DYNC1H1: variants seen among roughly 807,000 people sequenced by gnomAD.
DYNC1H1 encodes cytoplasmic dynein 1 heavy chain 1.
Under a neutral mutation model 527.1 loss-of-function variants are expected in DYNC1H1, and 51 were observed. That is an observed-to-expected ratio of 0.10 (90% CI 0.08 to 0.12). The LOEUF is 0.12. DYNC1H1 is among the 10% of genes least tolerant of loss of function. The probability of loss-of-function intolerance (pLI) is 1.00; values close to 1 mark genes in which losing one functional copy is unlikely to be tolerated. For missense variants in DYNC1H1, 2,771 were observed against 5,971.8 expected, an observed-to-expected ratio of 0.46 and a Z score of 17.66; for synonymous variants, 2,189 against 2,278.8, an observed-to-expected ratio of 0.96 and a Z score of 1.12.
chr14:102,039,397 A>C lies in DYNC1H1; in HGVS notation c.11461-15A>C. On this transcript the variant is annotated splice_polypyrimidine_tract_variant and intron_variant, in intron 60 of 77. Coordinates refer to ENST00000360184, the MANE Select transcript of DYNC1H1 (RefSeq NM_001376.5). The surrounding 1 kb of genome is among the most constrained non-coding windows in gnomAD (Gnocchi z 7.0). ...CGAGGGAGCTGCCTCACCGCTGCCC[A>C]CTGCTTCCTTTCAGATACACTTCTT... 1 of 1,614,198 alleles carries C rather than the reference A, an allele frequency of 6.2e-7. No individual in the cohort carries two copies. The highest frequency in any genetic ancestry group is 8.5e-7 in the Non-Finnish European group (1 of 1,180,028).
chr14:101,995,085 C>G lies in DYNC1H1; in HGVS notation c.3433C>G (p.Gln1145Glu). The change falls in exon 14 of 78, where the codon CAG (glutamine) becomes GAG (glutamate). Residue 1145 changes from glutamine (Q) to glutamate (E), a missense_variant. By Grantham distance (29) the Gln-to-Glu change is conservative. Coordinates refer to ENST00000360184, the MANE Select transcript of DYNC1H1 (RefSeq NM_001376.5). ...LGSNMTEFHSQISKSRQELEQ... is the reference protein window; with the variant it reads ...LGSNMTEFHSEISKSRQELEQ... ...ATCAAACATGACGGAATTCCATTCCCAGATCTCAAAGGTGAGGACATAGGA... is the reference window on the plus strand; with the variant it reads ...ATCAAACATGACGGAATTCCATTCCGAGATCTCAAAGGTGAGGACATAGGA... 1 of 1,614,174 alleles carries G rather than the reference C, an allele frequency of 6.2e-7. No individual in the cohort carries two copies. The highest frequency in any genetic ancestry group is 8.5e-7 in the Non-Finnish European group (1 of 1,180,032).
At position 101,970,331 on chromosome 14, in the gene DYNC1H1, G is replaced by T. The variant is rs1009508333; in HGVS notation, c.257-5381G>T. 8.6e-5 allele frequency among the ~76,000 whole-genome samples: 13 copies of T among 151,994 alleles called. No homozygotes were observed. The South Asian group carries it at 2.1e-3, about 24-fold the overall frequency. ...GTCATGGCCCCTCAGGAGGATGAAA[G>T]GGTGGACATGCAGGTGACAAGAGAA... is the stretch of plus-strand genomic sequence containing the variant. On this transcript the variant is annotated intron_variant, in intron 1 of 77. Transcript: ENST00000360184.
Position 102,012,491 on chromosome 14 carries a change from C to T in DYNC1H1, c.7014+21C>T, listed in dbSNP as rs112867216. Reference sequence around the variant, plus strand: ...CCAATGTAAGTAGCCTTTTGTATGTCGTCAACTGAATAATTCCTTTTGGCC... The same window carrying T: ...CCAATGTAAGTAGCCTTTTGTATGTTGTCAACTGAATAATTCCTTTTGGCC... On this transcript the variant is annotated intron_variant, in intron 34 of 77. Coordinates refer to ENST00000360184, the MANE Select transcript of DYNC1H1 (RefSeq NM_001376.5). The surrounding 1 kb of genome is among the most constrained non-coding windows in gnomAD (Gnocchi z 4.9). The T allele has an allele frequency of 2.3e-5, 37 of 1,614,100 alleles. No individual in the cohort carries two copies. Among genetic ancestry groups the T allele is most frequent in the African/African-American group, 1.5e-4 (11 of 75,032 alleles).
At position 101,979,578 on chromosome 14, in the gene DYNC1H1, G is replaced by GTAAC; in HGVS notation, c.518+87_518+90dup. 6.2e-7 allele frequency: 1 copy of GTAAC among 1,607,218 alleles called. No individual in the cohort carries two copies. The highest frequency in any genetic ancestry group is 2.2e-5 in the East Asian group (1 of 44,848). On this transcript the variant is annotated intron_variant, in intron 3 of 77. Coordinates refer to ENST00000360184, the MANE Select transcript of DYNC1H1 (RefSeq NM_001376.5). The surrounding 1 kb of genome is among the most constrained non-coding windows in gnomAD (Gnocchi z 4.6). ...GGTGTAAAACTTGGGAATTGGGAGG[G>GTAAC]TAACGCTAGTGAGCCGAGGGGATAT... is the stretch of plus-strand genomic sequence containing the variant.
At position 102,018,671 on chromosome 14, in the gene DYNC1H1, A is replaced by G; in HGVS notation, c.8343+55A>G. ...ATTGTTTTCCTCTCATAATTAAGGC[A>G]CTCGATTGGTCAGGTGTGGTGGTTC... is the stretch of plus-strand genomic sequence containing the variant. On this transcript the variant is annotated intron_variant, in intron 41 of 77. Transcript: ENST00000360184. The surrounding 1 kb of genome is among the most constrained non-coding windows in gnomAD (Gnocchi z 5.2). 1.9e-6 allele frequency: 3 copies of G among 1,597,052 alleles called. No individual in the cohort carries two copies. Among genetic ancestry groups the G allele is most frequent in the South Asian group, 1.1e-5 (1 of 89,626 alleles).
chr14:101,966,648 G>A (rs2047671573), intron 1 of DYNC1H1, among the ~76,000 whole-genome samples: 1 of 151,770 alleles, frequency 6.6e-6, no homozygotes, highest in Non-Finnish European at 1.5e-5. Flanking sequence ...CTTGACCATT[G>A]CTAATCCTTG....
chr14:102,014,235 CT>C (rs1359042409), intron 34 of DYNC1H1, among the ~76,000 whole-genome samples: 13 of 152,252 alleles, frequency 8.5e-5, no homozygotes, highest in African/African-American at 2.9e-4. Context: ...CCTGCGCCAT[CT>C]TTAAACTGGA....
At position 102,045,370 on chromosome 14, in the gene DYNC1H1, G is replaced by C. The variant is rs561256088; in HGVS notation, c.13006+672G>C. On this transcript the variant is annotated intron_variant, in intron 72 of 77. Transcript: ENST00000360184. ...ATCCCACTATAATCCCAGCACTTTG[G>C]GAGGCTGAGGTGGATGGATCACCTG... 4.0e-5 allele frequency: 6 copies of C among 150,330 alleles called. 1 individual carries two copies. The highest frequency in any genetic ancestry group is 1.5e-4 in the African/African-American group (6 of 41,162). 9.3% of individuals were successfully genotyped at this position (150,330 alleles called of 1,614,324 possible).
Position 102,011,642 on chromosome 14 carries a change from C to T in DYNC1H1, c.6619-233C>T. ...AGATAGGCGCTTGTAAAGCCAGCTA[C>T]TTGGGAGAGTGAGGAAGGAGAATCA... is the stretch of plus-strand genomic sequence containing the variant. On this transcript the variant is annotated intron_variant, in intron 32 of 77. Coordinates refer to ENST00000360184, the MANE Select transcript of DYNC1H1 (RefSeq NM_001376.5). The surrounding 1 kb of genome is among the most constrained non-coding windows in gnomAD (Gnocchi z 5.3). The T allele has an allele frequency of 1.8e-6, 1 of 550,796 alleles. No individual in the cohort carries two copies. Among genetic ancestry groups the T allele is most frequent in the East Asian group, 3.2e-5 (1 of 31,160 alleles). 34.1% of individuals were successfully genotyped at this position (550,796 alleles called of 1,614,324 possible). A position where few individuals can be genotyped will look rare whatever the true frequency, so the allele number is the denominator to read the frequency against.
rs932736958 is a variant in DYNC1H1, at chr14:102,042,349, T to A, written c.12276-35T>A. On this transcript the variant is annotated intron_variant, in intron 67 of 77. Transcript: ENST00000360184. This position sits in a 1 kb window ranked among gnomAD's most constrained non-coding sequence, Gnocchi z 5.7. ...TCCCCAGGCATTCAGGCAGGCAGCC[T>A]GGCATGCTGTGTGACTCTCACTTTG... is the stretch of plus-strand genomic sequence containing the variant. The A allele has an allele frequency of 3.3e-5, 53 of 1,614,090 alleles. No individual in the cohort carries two copies. Among genetic ancestry groups the A allele is most frequent in the Non-Finnish European group, 4.2e-5 (50 of 1,180,046 alleles).
Position 102,000,405 on chromosome 14 carries a change from T to C in DYNC1H1, c.4074+6T>C. On this transcript the variant is annotated splice_donor_region_variant and intron_variant, in intron 18 of 77. Transcript: ENST00000360184. Reference sequence around the variant, plus strand: ...TTTCAGTACAGCCTCGAAAGGTATATCATGAAATCGGTGTTTGTGTACGTC... The same window carrying C: ...TTTCAGTACAGCCTCGAAAGGTATACCATGAAATCGGTGTTTGTGTACGTC... The C allele has an allele frequency of 6.2e-7, 1 of 1,613,614 alleles. No homozygotes were observed. The highest frequency in any genetic ancestry group is 8.5e-7 in the Non-Finnish European group (1 of 1,179,590).
rs1356964975 is a variant in DYNC1H1, at chr14:102,001,258, A to G, written c.4299A>G (p.Gln1433=). 6.2e-7 allele frequency: 1 copy of G among 1,614,208 alleles called. No individual in the cohort carries two copies. Among genetic ancestry groups the G allele is most frequent in the Admixed American group, 1.7e-5 (1 of 60,032 alleles). The change falls in exon 20 of 78, where the codon CAA becomes CAG. Residue 1433 remains glutamine, a synonymous_variant. Transcript: ENST00000360184. This position sits in a 1 kb window ranked among gnomAD's most constrained non-coding sequence, Gnocchi z 5.0. ...TTGTTTCTGAGCTAACCCTTGGCCAAATCTGGGATGTTGACTTGCAGAAAA... is the reference window on the plus strand; with the variant it reads ...TTGTTTCTGAGCTAACCCTTGGCCAGATCTGGGATGTTGACTTGCAGAAAA... ...NWVVSELTLG[Q]IWDVDLQKNE... is the part of the protein sequence containing the mutation.
At position 101,965,177 on chromosome 14, in the gene DYNC1H1, C is replaced by T. The variant is rs1363242328; in HGVS notation, c.256+230C>T. Reference sequence around the variant, plus strand: ...CGCCCGGGGCTCGCCCTCGCCACACCCACTGCCCGGCCCGGAGCCCCCAGG... The same window carrying T: ...CGCCCGGGGCTCGCCCTCGCCACACTCACTGCCCGGCCCGGAGCCCCCAGG... On this transcript the variant is annotated intron_variant, in intron 1 of 77. Transcript: ENST00000360184. This position sits in a 1 kb window ranked among gnomAD's most constrained non-coding sequence, Gnocchi z 4.1. 6.6e-6 allele frequency among the ~76,000 whole-genome samples: 1 copy of T among 151,960 alleles called. No individual in the cohort carries two copies. The highest frequency in any genetic ancestry group is 1.5e-5 in the Non-Finnish European group (1 of 67,958).
In DYNC1H1 at chr14:102,036,753, A is replaced by G; in HGVS notation, c.10908+111A>G. 4 of 1,397,660 alleles carry G rather than the reference A, an allele frequency of 2.9e-6. No individual in the cohort carries two copies. Among genetic ancestry groups the G allele is most frequent in the Non-Finnish European group, 3.0e-6 (3 of 988,616 alleles). 86.6% of individuals were successfully genotyped at this position (1,397,660 alleles called of 1,614,324 possible). A position where few individuals can be genotyped will look rare whatever the true frequency, so the allele number is the denominator to read the frequency against. On this transcript the variant is annotated intron_variant, in intron 57 of 77. Transcript: ENST00000360184. The surrounding 1 kb of genome is among the most constrained non-coding windows in gnomAD (Gnocchi z 5.6). ...AGACTTCATTTTGTATCAGAAGGAT[A>G]AAGCTTTGCGGTGGTTCTGTAATAG...
At position 102,050,588 on chromosome 14, in the gene DYNC1H1, A is replaced by C; in HGVS notation, c.*25A>C. 1 of 1,614,196 alleles carries C rather than the reference A, an allele frequency of 6.2e-7. No individual in the cohort carries two copies. Among genetic ancestry groups the C allele is most frequent in the Non-Finnish European group, 8.5e-7 (1 of 1,180,016 alleles). On this transcript the variant is annotated 3_prime_UTR_variant, in exon 78 of 78. Transcript: ENST00000360184. ...AACTTTTCTAGCTGCCCCTTTCTGT[A>C]ATAGTGAAAGTTGGTATTTAACATT...
At chr14:102,004,383 G>A in intron 23 of DYNC1H1, 135 bp from the exon 24 acceptor site, 3 of 968,150 alleles carry the variant, frequency 3.1e-6, no homozygotes, top group Non-Finnish European at 4.5e-6. Flanking sequence ...AAATTCTGAT[G>A]TGATCTGAAT....
intron 11 of DYNC1H1, among the ~76,000 whole-genome samples, chr14:101,993,208 G>T (rs191695981): frequency 1.3e-5 from 2 of 152,120 alleles, no homozygotes; most frequent in East Asian, 3.9e-4. Context: ...CCCATTGTGT[G>T]TCTCTTGAAA....
At position 101,980,529 on chromosome 14, in the gene DYNC1H1, G is replaced by A. The variant is rs747831868; in HGVS notation, c.940G>A (p.Val314Ile). ...ACATGGCAAGCGCTTCCATGCCACCGTCAGTTTTGACACTGACACAGGTAA... is the reference window on the plus strand; with the variant it reads ...ACATGGCAAGCGCTTCCATGCCACCATCAGTTTTGACACTGACACAGGTAA... ...LKHGKRFHAT[V>I]SFDTDTGLKQ... Residue 314 changes from valine to isoleucine, a missense_variant, in exon 5 of 78, where the codon GTC becomes ATC. By Grantham distance (29) the Val-to-Ile change is conservative (BLOSUM62 3). Transcript: ENST00000360184. The A allele has an allele frequency of 9.9e-6, 16 of 1,614,134 alleles. No individual in the cohort carries two copies. The highest frequency in any genetic ancestry group is 4.5e-5 in the East Asian group (2 of 44,892).
intron 12 of DYNC1H1, 48 bp from the exon 13 acceptor site, chr14:101,994,625 A>G: frequency 6.2e-7 from 1 of 1,609,318 alleles, no homozygotes; most frequent in Non-Finnish European, 8.5e-7. Flanking sequence ...CCAGTATTCT[A>G]CAAAATGAAA....
Sources: gnomAD v4.1 joint callset for allele counts (sites outside exome capture counted in the v4.1 genomes callset) on GRCh38, gnomAD v4.1.1 for gene constraint, Gnocchi (gnomAD v3.1) non-coding constraint, MANE v1.5 for transcripts, NCBI Gene and HGNC (gene_info 2026-07-23, HGNC 2026-07-21) for gene names.